PPP2R3A: variants seen among roughly 807,000 people sequenced by gnomAD.
PPP2R3A encodes protein phosphatase 2 regulatory subunit B''alpha.
PPP2R3A carries 80 observed loss-of-function variants against 106.9 expected under a neutral mutation model. That is an observed-to-expected ratio of 0.75 (90% CI 0.62 to 0.90). The LOEUF (loss-of-function observed/expected upper bound fraction) is 0.90. Among genes scored for constraint, PPP2R3A ranks in the 40% least tolerant of loss-of-function variants. The pLI is 0.00. For synonymous variants in PPP2R3A, 483 were observed against 468.3 expected (o/e 1.03, Z -0.41); for missense variants, 1,386 against 1,350.4 (o/e 1.03, Z -0.41).
chr3:136,106,575 C>A, intron 13 of PPP2R3A: 1 of 469,366 alleles, frequency 2.1e-6, no homozygotes, highest in Non-Finnish European at 3.8e-6. Context: ...AACAATCAAA[C>A]TACTGTTTTA....
intron 10 of PPP2R3A, among the ~76,000 whole-genome samples, chr3:136,100,352 A>G (rs769868956): frequency 1.3e-5 from 2 of 151,140 alleles, no homozygotes; most frequent in Non-Finnish European, 2.9e-5. Context: ...TCTACCAAAA[A>G]AAAAAGAACT....
chr3:136,146,235 T>C lies in PPP2R3A; in HGVS notation c.*1069T>C, dbSNP rs1489425926. 3 of 152,210 alleles carry C rather than the reference T, an allele frequency of 2.0e-5. No homozygotes were observed. The highest frequency in any genetic ancestry group is 7.2e-5 in the African/African-American group (3 of 41,454). The allele number at this position is 152,210 out of a possible 1,614,324, so 9.4% of individuals were successfully genotyped here. A position where few individuals can be genotyped will look rare whatever the true frequency, so the allele number is the denominator to read the frequency against. ...AGTTGTAGATGTATTCACTACAGAA[T>C]CCTACATTTTTCAGCAGGCCACAGT... On this transcript the variant is annotated 3_prime_UTR_variant, in exon 14 of 14. Transcript: ENST00000264977.
In PPP2R3A at chr3:136,082,253, A is replaced by G. The variant is rs766179861; in HGVS notation, c.2632-12A>G. ...TCATAATGTTTAAATTCTTCTTTTC[A>G]TATAATTTCAGACCCTAGCACTTTT... On this transcript the variant is annotated splice_polypyrimidine_tract_variant and intron_variant, in intron 7 of 13. Transcript: ENST00000264977. The G allele has an allele frequency of 1.5e-5, 23 of 1,560,734 alleles. No homozygotes were observed. The Admixed American group carries it at 2.7e-4, about 19-fold the overall frequency.
intron 1 of PPP2R3A, among the ~76,000 whole-genome samples, chr3:135,998,806 T>G (rs1390383270): frequency 6.6e-6 from 1 of 152,234 alleles, no homozygotes; most frequent in African/African-American, 2.4e-5. Context: ...TATTTTGACC[T>G]GGAAGTACAT....
chr3:136,042,487 G>C (rs1375662448), intron 4 of PPP2R3A, among the ~76,000 whole-genome samples: 4 of 152,082 alleles, frequency 2.6e-5, no homozygotes, highest in Admixed American at 2.0e-4. Flanking sequence ...CATGTACCTT[G>C]GAACTTAAAA....
chr3:136,112,790 A>G (rs938738519), intron 13 of PPP2R3A, among the ~76,000 whole-genome samples: 4 of 152,204 alleles, frequency 2.6e-5, no homozygotes, highest in South Asian at 2.1e-4. Context: ...TGCTATTCCT[A>G]TCATACTACC....
intron 2 of PPP2R3A, among the ~76,000 whole-genome samples, chr3:136,010,258 C>CTTTTTTTTTTTTT (rs35997478): frequency 1.6e-5 from 2 of 121,302 alleles, no homozygotes; most frequent in Non-Finnish European, 3.4e-5. Context: ...TTCTTTCTTT[C>CTTTTTTTTTTTTT]TTTTTTTTTT....
At chr3:136,072,169 C>T (rs907714987) in intron 6 of PPP2R3A, among the ~76,000 whole-genome samples, 1 of 151,740 alleles carries the variant, frequency 6.6e-6, no homozygotes, top group African/African-American at 2.4e-5. Context: ...TTTGTTTGTC[C>T]ATCTCCGTCT....
chr3:136,027,131 C>T, intron 3 of PPP2R3A, 33 bp downstream of exon 3: 2 of 1,568,642 alleles, frequency 1.3e-6, no homozygotes, highest in Non-Finnish European at 8.7e-7. Context: ...TACAATCTCC[C>T]CTTCTTTAGA....
At chr3:136,028,682 C>T (rs557434744) in intron 3 of PPP2R3A, among the ~76,000 whole-genome samples, 34 of 152,258 alleles carry the variant, frequency 2.2e-4, no homozygotes, top group Non-Finnish European at 4.4e-4. Flanking sequence ...GTGGCTATTG[C>T]GTTAGATGAC....
chr3:135,976,118 C>T (rs1385063859), intron 1 of PPP2R3A, among the ~76,000 whole-genome samples: 1 of 152,190 alleles, frequency 6.6e-6, no homozygotes, highest in South Asian at 2.1e-4. Context: ...CTTCTTTCAT[C>T]TTTAGTAATA....
intron 7 of PPP2R3A, among the ~76,000 whole-genome samples, chr3:136,080,419 G>A (rs1313689177): frequency 6.6e-6 from 1 of 152,134 alleles, no homozygotes; most frequent in Non-Finnish European, 1.5e-5. Flanking sequence ...TTTTAATTTG[G>A]TGGATTCTGC....
rs1935584444 is a variant in PPP2R3A, at chr3:136,049,167, C to T, written c.2367-92C>T. On this transcript the variant is annotated intron_variant, in intron 4 of 13. Transcript: ENST00000264977. ...TTACTTGATTGTTGATCTGAGTGGC[C>T]TTCAGATCAAACTGAAATTACTAAC... 4.5e-6 allele frequency: 4 copies of T among 896,302 alleles called. No homozygotes were observed. The East Asian group carries it at 9.8e-5, about 22-fold the overall frequency. 55.5% of individuals were successfully genotyped at this position (896,302 alleles called of 1,614,324 possible). A position where few individuals can be genotyped will look rare whatever the true frequency, so the allele number is the denominator to read the frequency against.
intron 10 of PPP2R3A, among the ~76,000 whole-genome samples, chr3:136,099,449 C>T (rs952826225): frequency 2.0e-5 from 3 of 151,988 alleles, no homozygotes; most frequent in Non-Finnish European, 4.4e-5. Flanking sequence ...CTCAGAGAGA[C>T]TATGAGAAGA....
At chr3:136,131,708 C>T (rs1938425231) in intron 13 of PPP2R3A, among the ~76,000 whole-genome samples, 1 of 152,164 alleles carries the variant, frequency 6.6e-6, no homozygotes, top group Non-Finnish European at 1.5e-5. Flanking sequence ...GACACATACA[C>T]ACATATAAAC....
chr3:136,021,053 C>G (rs1000469817), intron 2 of PPP2R3A, among the ~76,000 whole-genome samples: 2 of 152,016 alleles, frequency 1.3e-5, no homozygotes, highest in African/African-American at 4.8e-5. Flanking sequence ...ACCTACTCAC[C>G]TACAGCCACA....
rs1933632324 is a variant in PPP2R3A, at chr3:136,001,763, C to G, written c.265C>G (p.Gln89Glu). Reference protein sequence around the residue: ...LSSAEGDYPQQAFTGIPRVKR... With the variant: ...LSSAEGDYPQEAFTGIPRVKR... ...TTCGGCTGAAGGAGACTATCCCCAA[C>G]AGGCCTTCACAGGCATACCCAGGGT... The change falls in exon 2 of 14, where the codon CAG (glutamine) becomes GAG (glutamate). Residue 89 changes from glutamine (Q) to glutamate (E), a missense_variant. Coordinates refer to ENST00000264977, the MANE Select transcript of PPP2R3A (RefSeq NM_002718.5). 3 of 1,614,046 alleles carry G rather than the reference C, an allele frequency of 1.9e-6. No homozygotes were observed. The highest frequency in any genetic ancestry group is 2.5e-6 in the Non-Finnish European group (3 of 1,180,032).
chr3:136,032,661 A>C (rs1414201111), intron 3 of PPP2R3A, among the ~76,000 whole-genome samples: 2 of 151,906 alleles, frequency 1.3e-5, no homozygotes, highest in African/African-American at 4.8e-5. Context: ...CAGCCTCCCA[A>C]GTAGCTGGGA....
intron 5 of PPP2R3A, among the ~76,000 whole-genome samples, chr3:136,064,883 A>C (rs530475551): frequency 6.6e-6 from 1 of 152,326 alleles, no homozygotes; most frequent in African/African-American, 2.4e-5. Context: ...ATATCACAAA[A>C]ACATTTTAGT....
Sources: allele counts gnomAD v4.1 joint callset (sites outside exome capture counted in the v4.1 genomes callset), GRCh38; gene constraint gnomAD v4.1.1; transcripts MANE v1.5; gene names NCBI Gene and HGNC (gene_info 2026-07-23, HGNC 2026-07-21).